The following PLCB1 variants were observed in gnomAD, a reference collection of about 807,000 sequenced individuals.
The protein encoded by PLCB1 is phospholipase C beta 1.
In PLCB1, 46 loss-of-function variants were observed where a neutral mutation model predicts 161.8. That is an observed-to-expected ratio of 0.28 (90% confidence interval 0.22 to 0.36). The LOEUF (loss-of-function observed/expected upper bound fraction) is 0.36. PLCB1 is among the 10% of genes least tolerant of loss of function. PLCB1 has a pLI of 1.00. For synonymous variants in PLCB1, 517 were observed against 503.7 expected (o/e 1.03, Z -0.35); for missense variants, 1,016 against 1,472.5 (o/e 0.69, Z 5.07).
chr20:8,499,734 C>G (rs1209350856), intron 3 of PLCB1, among the ~76,000 whole-genome samples: 1 of 152,176 alleles, frequency 6.6e-6, no homozygotes, highest in African/African-American at 2.4e-5. Flanking sequence ...AAAACAGAAG[C>G]ACACATTAAG....
At chr20:8,187,748 C>G (rs1191825843) in intron 2 of PLCB1, among the ~76,000 whole-genome samples, 1 of 152,116 alleles carries the variant, frequency 6.6e-6, no homozygotes, top group Non-Finnish European at 1.5e-5. Context: ...GAGTTCCTGA[C>G]ACCAGAGCCA....
chr20:8,849,316 G>A (rs1986806010), intron 31 of PLCB1, among the ~76,000 whole-genome samples: 1 of 152,100 alleles, frequency 6.6e-6, no homozygotes, highest in African/African-American at 2.4e-5. Flanking sequence ...ATCATTTTAT[G>A]TAAGGAAACT....
intron 3 of PLCB1, among the ~76,000 whole-genome samples, chr20:8,439,675 T>C (rs1047045676): frequency 6.6e-6 from 1 of 152,222 alleles, no homozygotes; most frequent in African/African-American, 2.4e-5. Flanking sequence ...AGCAGGTCTG[T>C]AAATAAAATT....
chr20:8,526,227 A>G lies in PLCB1; in HGVS notation c.247-102067A>G, dbSNP rs1600128341. Among the ~76,000 whole-genome samples, 3 of 152,004 alleles carry G rather than the reference A, an allele frequency of 2.0e-5. No individual in the cohort carries two copies. The South Asian group carries it at 6.2e-4, about 32-fold the overall frequency. On this transcript the variant is annotated intron_variant, in intron 3 of 31. Transcript: ENST00000338037. ...GAATTTATATTTAAAAAAAGGTTGG[A>G]CTCCTATGTTCATTTCTATAAATGA...
chr20:8,160,654 A>T (rs1275186102), intron 2 of PLCB1, among the ~76,000 whole-genome samples: 1 of 151,924 alleles, frequency 6.6e-6, no homozygotes, highest in Non-Finnish European at 1.5e-5. Flanking sequence ...TGATTCCATT[A>T]CCTCCCACCA....
intron 3 of PLCB1, among the ~76,000 whole-genome samples, chr20:8,419,131 A>G (rs957147240): frequency 5.3e-5 from 8 of 152,136 alleles, no homozygotes; most frequent in Non-Finnish European, 1.2e-4. Context: ...GATTGTTTAT[A>G]AGATGTCTGG....
At chr20:8,773,182 A>C (rs922407922) in intron 26 of PLCB1, among the ~76,000 whole-genome samples, 1 of 152,200 alleles carries the variant, frequency 6.6e-6, no homozygotes, top group African/African-American at 2.4e-5. Context: ...AATTCAAAGA[A>C]AAAGCAACCA....
chr20:8,522,367 A>G (rs973857843), intron 3 of PLCB1, among the ~76,000 whole-genome samples: 7 of 152,140 alleles, frequency 4.6e-5, no homozygotes, highest in Non-Finnish European at 1.0e-4. Context: ...CATTTTATCT[A>G]TGACATCATC....
chr20:8,531,327 G>A (rs1314117819), intron 3 of PLCB1, among the ~76,000 whole-genome samples: 1 of 152,058 alleles, frequency 6.6e-6, no homozygotes, highest in Non-Finnish European at 1.5e-5. Context: ...AGAAAAGAGT[G>A]AGTATAATTA....
intron 16 of PLCB1, 28 bp downstream of exon 16, chr20:8,724,780 C>A: frequency 8.6e-7 from 1 of 1,163,646 alleles, no homozygotes; most frequent in Non-Finnish European, 1.3e-6. Context: ...AAAAACCCCT[C>A]TTGCAGCATA....
intron 31 of PLCB1, among the ~76,000 whole-genome samples, chr20:8,792,947 A>G (rs1314094441): frequency 6.6e-6 from 1 of 152,196 alleles, no homozygotes; most frequent in East Asian, 1.9e-4. Context: ...TGGTGAGGAG[A>G]GGCCAGGCCA....
At chr20:8,289,704 C>G (rs1983295373) in intron 2 of PLCB1, among the ~76,000 whole-genome samples, 1 of 152,092 alleles carries the variant, frequency 6.6e-6, no homozygotes, top group African/African-American at 2.4e-5. Flanking sequence ...ATGCATCCCT[C>G]TGGTGGATCT....
intron 3 of PLCB1, among the ~76,000 whole-genome samples, chr20:8,442,960 C>T (rs1285276309): frequency 2.0e-5 from 3 of 149,856 alleles, no homozygotes; most frequent in African/African-American, 7.4e-5. Flanking sequence ...ATAAAATTAT[C>T]TTGTGAGTTT....
At chr20:8,501,864 C>T (rs1983425480) in intron 3 of PLCB1, among the ~76,000 whole-genome samples, 1 of 104,714 alleles carries the variant, frequency 9.5e-6, no homozygotes, top group South Asian at 4.1e-4. Flanking sequence ...AGATATATCG[C>T]ATATATATAT....
chr20:8,871,264 A>G (rs796618683), intron 31 of PLCB1, among the ~76,000 whole-genome samples: 10 of 152,332 alleles, frequency 6.6e-5, no homozygotes, highest in African/African-American at 2.4e-4. Flanking sequence ...CTACATACTT[A>G]CATATATACC....
chr20:8,831,870 T>TTTTC (rs778367644), intron 31 of PLCB1, among the ~76,000 whole-genome samples: 9 of 149,854 alleles, frequency 6.0e-5, no homozygotes, highest in African/African-American at 1.2e-4. Flanking sequence ...TGAAATTTAA[T>TTTTC]TTTCTTTCTT....
intron 24 of PLCB1, among the ~76,000 whole-genome samples, chr20:8,757,884 TAAA>T (rs1232570949): frequency 6.6e-6 from 1 of 151,730 alleles, no homozygotes; most frequent in Non-Finnish European, 1.5e-5. Flanking sequence ...AATAAATAAA[TAAA>T]TAAATAAAAT....
chr20:8,146,434 C>A (rs754548832), intron 1 of PLCB1, among the ~76,000 whole-genome samples: 1 of 152,178 alleles, frequency 6.6e-6, no homozygotes. Context: ...AGAAAAGCCA[C>A]GTGAAGTTCA....
intron 2 of PLCB1, among the ~76,000 whole-genome samples, chr20:8,238,911 G>A (rs1313729092): frequency 6.6e-6 from 1 of 151,866 alleles, no homozygotes; most frequent in Admixed American, 6.6e-5. Context: ...TAAGGCCTGG[G>A]GAGGAATGGA....
Sources: allele counts gnomAD v4.1 joint callset (sites outside exome capture counted in the v4.1 genomes callset), GRCh38; gene constraint gnomAD v4.1.1; transcripts MANE v1.5; gene names NCBI Gene and HGNC (gene_info 2026-07-23, HGNC 2026-07-21).